NCKAP5: variants seen among roughly 807,000 people sequenced by gnomAD.
NCKAP5 encodes NCK associated protein 5.
In NCKAP5, 92 loss-of-function variants were observed where a neutral mutation model predicts 167.0. That is an observed-to-expected ratio of 0.55 (90% CI 0.47 to 0.66). NCKAP5 has a LOEUF of 0.66. NCKAP5 is among the 30% of genes least tolerant of loss of function. The probability of loss-of-function intolerance (pLI) is 0.00; values close to 1 mark genes in which losing one functional copy is unlikely to be tolerated. For synonymous variants in NCKAP5, 891 were observed against 877.4 expected, an observed-to-expected ratio of 1.02 and a Z score of -0.27; for missense variants, 2,378 against 2,315.0, an observed-to-expected ratio of 1.03 and a Z score of -0.56.
intron 11 of NCKAP5, among the ~76,000 whole-genome samples, chr2:132,828,060 TC>T (rs897045122): frequency 6.6e-6 from 1 of 152,168 alleles, no homozygotes; most frequent in Non-Finnish European, 1.5e-5. Flanking sequence ...AGAGATTATT[TC>T]CTTATTGTAT....
At chr2:133,059,875 C>T (rs1453397827) in intron 6 of NCKAP5, among the ~76,000 whole-genome samples, 2 of 151,908 alleles carry the variant, frequency 1.3e-5, no homozygotes, top group Non-Finnish European at 2.9e-5. Flanking sequence ...TGCAATATCT[C>T]CAAGGTATGT....
chr2:133,082,074 C>A (rs1396669274), intron 6 of NCKAP5, among the ~76,000 whole-genome samples: 1 of 152,058 alleles, frequency 6.6e-6, no homozygotes, highest in Non-Finnish European at 1.5e-5. Flanking sequence ...GTCTGTTGTG[C>A]CCCAATTTGT....
At chr2:133,029,913 G>A (rs1035365665) in intron 6 of NCKAP5, among the ~76,000 whole-genome samples, 3 of 152,090 alleles carry the variant, frequency 2.0e-5, no homozygotes, top group Non-Finnish European at 4.4e-5. Flanking sequence ...GGATTTTTCT[G>A]GTTATATAGC....
intron 8 of NCKAP5, among the ~76,000 whole-genome samples, chr2:132,898,860 G>A (rs1693407427): frequency 6.6e-6 from 1 of 152,220 alleles, no homozygotes; most frequent in Middle Eastern, 3.2e-3. Context: ...ACAGAGGACA[G>A]GCAGAGTATG....
At chr2:133,369,485 G>T (rs1027186412) in intron 3 of NCKAP5, among the ~76,000 whole-genome samples, 2 of 152,208 alleles carry the variant, frequency 1.3e-5, no homozygotes, top group East Asian at 1.9e-4. Flanking sequence ...GCTCTTGTTC[G>T]TTAAAGTTAT....
At chr2:133,057,421 G>C (rs1386423503) in intron 6 of NCKAP5, among the ~76,000 whole-genome samples, 1 of 152,144 alleles carries the variant, frequency 6.6e-6, no homozygotes, top group African/African-American at 2.4e-5. Flanking sequence ...TGAATGCAAA[G>C]GAAAAACACT....
intron 16 of NCKAP5, among the ~76,000 whole-genome samples, chr2:132,765,025 A>G (rs1446611387): frequency 6.6e-6 from 1 of 152,208 alleles, no homozygotes; most frequent in East Asian, 1.9e-4. Flanking sequence ...GTCCTATTTA[A>G]TTTTAGGGAA....
intron 5 of NCKAP5, among the ~76,000 whole-genome samples, chr2:133,169,253 G>A (rs957652517): frequency 7.9e-5 from 12 of 152,118 alleles, no homozygotes; most frequent in Non-Finnish European, 1.5e-4. Flanking sequence ...ACTATTTGCC[G>A]TTCCATTCTA....
intron 8 of NCKAP5, among the ~76,000 whole-genome samples, chr2:132,906,202 T>C (rs1440286428): frequency 1.3e-5 from 2 of 152,196 alleles, no homozygotes; most frequent in African/African-American, 4.8e-5. Context: ...TATCTTTCCA[T>C]CCAACTATAG....
At chr2:133,528,201 T>C (rs2104811957) in intron 2 of NCKAP5, among the ~76,000 whole-genome samples, 1 of 152,282 alleles carries the variant, frequency 6.6e-6, no homozygotes, top group South Asian at 2.1e-4. Context: ...ATTTATACTA[T>C]GCATACATAT....
At chr2:133,196,051 C>A (rs2085422484) in intron 5 of NCKAP5, among the ~76,000 whole-genome samples, 1 of 152,088 alleles carries the variant, frequency 6.6e-6, no homozygotes, top group Non-Finnish European at 1.5e-5. Flanking sequence ...GAAGAGAAGG[C>A]TGCCATTAAT....
chr2:133,226,091 G>T (rs1469572129), intron 4 of NCKAP5, among the ~76,000 whole-genome samples: 1 of 140,866 alleles, frequency 7.1e-6, no homozygotes, highest in African/African-American at 2.6e-5. Context: ...ACGGTGCCTG[G>T]CTGCCACACT....
At chr2:133,588,296 G>A in the NCKAP5 span, among the ~76,000 whole-genome samples, 6 of 75,404 alleles carry the variant, frequency 8.0e-5, no homozygotes, top group East Asian at 4.5e-4. Context: ...CCTACCTCTC[G>A]TCTTCTCTCC....
chr2:133,556,270 AG>A (rs1043920995), intron 2 of NCKAP5, among the ~76,000 whole-genome samples: 13 of 152,356 alleles, frequency 8.5e-5, no homozygotes, highest in African/African-American at 2.6e-4. Flanking sequence ...TCAATAAAAA[AG>A]GTTAAACATT....
chr2:133,405,974 A>T (rs902832991), intron 3 of NCKAP5, among the ~76,000 whole-genome samples: 1 of 152,384 alleles, frequency 6.6e-6, no homozygotes, highest in South Asian at 2.1e-4. Context: ...AGTACTCAAA[A>T]TTCAGGGGAA....
chr2:133,359,189 C>T (rs763996991), intron 3 of NCKAP5, among the ~76,000 whole-genome samples: 10 of 152,198 alleles, frequency 6.6e-5, no homozygotes, highest in Non-Finnish European at 1.3e-4. Context: ...TTGCGGCTCC[C>T]AGTCTCCAGT....
At chr2:133,109,268 T>C (rs990810339) in intron 6 of NCKAP5, among the ~76,000 whole-genome samples, 1 of 152,186 alleles carries the variant, frequency 6.6e-6, no homozygotes, top group Non-Finnish European at 1.5e-5. Flanking sequence ...TCACATCAGG[T>C]GATGCGTGCT....
At chr2:132,892,040 G>A (rs6747892) in intron 8 of NCKAP5, among the ~76,000 whole-genome samples, 52,003 of 152,018 alleles carry the variant, frequency 0.34, 9,085 homozygotes, top group African/African-American at 0.37. Flanking sequence ...TTGTAACCAC[G>A]GCCACTCACA....
At chr2:132,751,184 A>T (rs978497486) in intron 16 of NCKAP5, among the ~76,000 whole-genome samples, 1 of 151,972 alleles carries the variant, frequency 6.6e-6, no homozygotes, top group African/African-American at 2.4e-5. Context: ...TTCTCACAGG[A>T]GGGAGTGGGT....
Sources: gnomAD v4.1 joint callset for allele counts (sites outside exome capture counted in the v4.1 genomes callset) on GRCh38, gnomAD v4.1.1 for gene constraint, MANE v1.5 for transcripts, NCBI Gene and HGNC (gene_info 2026-07-23, HGNC 2026-07-21) for gene names.